The following TASP1 variants were observed in gnomAD, a reference collection of about 807,000 sequenced individuals.
TASP1 encodes threonine aspartase 1.
A neutral mutation model predicts 56.6 loss-of-function variants in TASP1; 16 were observed. The ratio of observed to expected loss-of-function variants is 0.28; its 90% CI spans 0.19 to 0.43. The LOEUF is 0.43. Among genes scored for constraint, TASP1 ranks in the 20% least tolerant of loss-of-function variants. TASP1 has a pLI of 1.00. For missense variants in TASP1, 393 were observed against 511.6 expected (o/e 0.77, Z 2.24); for synonymous variants, 179 against 184.2 (o/e 0.97, Z 0.23).
intron 6 of TASP1, among the ~76,000 whole-genome samples, chr20:13,575,980 G>A (rs1394297923): frequency 1.3e-5 from 2 of 152,062 alleles, no homozygotes; most frequent in African/African-American, 4.8e-5. Context: ...GGGAGGCTGA[G>A]GTGGGCGGAT....
the TASP1 span, among the ~76,000 whole-genome samples, chr20:13,224,749 G>C: frequency 1.3e-5 from 2 of 151,350 alleles, no homozygotes; most frequent in Admixed American, 1.3e-4. Flanking sequence ...TAAAGTAGTA[G>C]TAAGAAAAGC....
chr20:13,396,211 C>G (rs762278017), intron 13 of TASP1, among the ~76,000 whole-genome samples: 1 of 152,152 alleles, frequency 6.6e-6, no homozygotes, highest in Admixed American at 6.5e-5. Flanking sequence ...CCCTACCCAT[C>G]GCTTTTTAAG....
chr20:13,450,191 T>C (rs2043565172), intron 11 of TASP1, among the ~76,000 whole-genome samples: 1 of 152,098 alleles, frequency 6.6e-6, no homozygotes, highest in Non-Finnish European at 1.5e-5. Flanking sequence ...ATTGCAAAAA[T>C]GCTAATGATT....
At chr20:13,469,833 G>A (rs1268376719) in intron 11 of TASP1, among the ~76,000 whole-genome samples, 12 of 68,740 alleles carry the variant, frequency 1.7e-4, no homozygotes, top group African/African-American at 4.2e-4. Flanking sequence ...TTTTGAGAGA[G>A]TGTCTTGCTC....
At chr20:13,454,986 T>C (rs2043772823) in intron 11 of TASP1, among the ~76,000 whole-genome samples, 1 of 152,110 alleles carries the variant, frequency 6.6e-6, no homozygotes, top group African/African-American at 2.4e-5. Flanking sequence ...ACCTGTTTGA[T>C]TTAATTGCAT....
chr20:13,407,214 G>T (rs547419285), intron 13 of TASP1, among the ~76,000 whole-genome samples: 1 of 152,228 alleles, frequency 6.6e-6, no homozygotes, highest in South Asian at 2.1e-4. Flanking sequence ...ACCACTAAAA[G>T]AAACCCTGTG....
chr20:13,392,277 TG>T (rs2041317577), intron 13 of TASP1, among the ~76,000 whole-genome samples: 1 of 152,160 alleles, frequency 6.6e-6, no homozygotes, highest in African/African-American at 2.4e-5. Flanking sequence ...CTCCACTCCT[TG>T]CTACATGCCC....
Position 13,389,715 on chromosome 20 carries a change from G to A in TASP1, c.*645C>T, listed in dbSNP as rs2041205242. On this transcript the variant is annotated 3_prime_UTR_variant, in exon 14 of 14. Transcript: ENST00000337743. The stretch of plus-strand genomic sequence containing the variant: ...AAATAAGTACAAACTGTATCAATCA[G>A]ACTATTATTTAAAAAGGTTCTGACA... The A allele has an allele frequency of 6.5e-6, 1 of 152,778 alleles. No individual in the cohort carries two copies. The highest frequency in any genetic ancestry group is 6.5e-5 in the Admixed American group (1 of 15,308). 9.5% of individuals were successfully genotyped at this position (152,778 alleles called of 1,614,324 possible).
At chr20:13,554,351 T>C (rs2046082229) in intron 8 of TASP1, among the ~76,000 whole-genome samples, 1 of 152,204 alleles carries the variant, frequency 6.6e-6, no homozygotes, top group Non-Finnish European at 1.5e-5. Context: ...GGATTAATAA[T>C]TCTTACTTTA....
intron 4 of TASP1, among the ~76,000 whole-genome samples, chr20:13,618,282 G>A (rs1223977740): frequency 5.9e-5 from 9 of 151,994 alleles, no homozygotes; most frequent in Non-Finnish European, 8.8e-5. Flanking sequence ...GTGTGGTGGC[G>A]CACGCCTGTA....
chr20:13,492,863 T>C (rs753434135), intron 10 of TASP1, among the ~76,000 whole-genome samples: 16 of 152,218 alleles, frequency 1.1e-4, no homozygotes, highest in Non-Finnish European at 2.1e-4. Context: ...GTGTGATTGA[T>C]ATATGCGTTA....
chr20:13,306,564 CA>C, the TASP1 span, among the ~76,000 whole-genome samples: 687 of 63,874 alleles, frequency 0.011, 4 homozygotes, highest in Middle Eastern at 0.019. Flanking sequence ...GGAGAAAGGA[CA>C]AAAAAAAAAA....
At chr20:13,289,032 C>T in the TASP1 span, among the ~76,000 whole-genome samples, 70 of 152,190 alleles carry the variant, frequency 4.6e-4, 1 homozygote, top group South Asian at 3.1e-3. Context: ...GTGATCCGCC[C>T]GCCTCAGCCT....
chr20:13,330,224 G>A, the TASP1 span, among the ~76,000 whole-genome samples: 1 of 152,020 alleles, frequency 6.6e-6, no homozygotes, highest in African/African-American at 2.4e-5. Flanking sequence ...TAAAGTGCTG[G>A]GATTACAGGC....
chr20:13,632,002 C>T (rs562386626), intron 1 of TASP1, among the ~76,000 whole-genome samples: 29 of 151,624 alleles, frequency 1.9e-4, no homozygotes, highest in African/African-American at 6.5e-4. Context: ...CCTTGAGCTG[C>T]GATCGCGCCA....
the TASP1 span, among the ~76,000 whole-genome samples, chr20:13,118,458 AAC>A: frequency 0.02 from 3,007 of 150,020 alleles, 158 homozygotes; most frequent in African/African-American, 0.071. Context: ...GGAAAAAAAA[AAC>A]AAAAAAAAAC....
the TASP1 span, among the ~76,000 whole-genome samples, chr20:13,349,835 A>G: frequency 6.6e-6 from 1 of 152,230 alleles, no homozygotes; most frequent in African/African-American, 2.4e-5. Context: ...GGAAATCAAA[A>G]TTTTAAAAAA....
the TASP1 span, among the ~76,000 whole-genome samples, chr20:13,229,454 C>T: frequency 0.019 from 2,869 of 152,306 alleles, 37 homozygotes; most frequent in Non-Finnish European, 0.022. Flanking sequence ...TGGCTTCTCT[C>T]ATTAAACTAA....
At chr20:13,255,591 G>A in the TASP1 span, among the ~76,000 whole-genome samples, 4 of 152,290 alleles carry the variant, frequency 2.6e-5, no homozygotes, top group Middle Eastern at 3.4e-3. Context: ...GTGGATAAGG[G>A]AAGGAAAGAC....
Sources: allele counts gnomAD v4.1 joint callset (sites outside exome capture counted in the v4.1 genomes callset), GRCh38; gene constraint gnomAD v4.1.1; transcripts MANE v1.5; gene names NCBI Gene and HGNC (gene_info 2026-07-23, HGNC 2026-07-21).